TXNDC12: variants seen among roughly 807,000 people sequenced by gnomAD.
TXNDC12 encodes thioredoxin domain containing 12.
A neutral mutation model predicts 24.2 loss-of-function variants in TXNDC12; 22 were observed. The observed-to-expected ratio is 0.91, with a 90% confidence interval of 0.65 to 1.30. The LOEUF (loss-of-function observed/expected upper bound fraction) is 1.30, where lower values mean the gene tolerates loss of function less well. TXNDC12 is among the 50% of genes most tolerant of loss of function. TXNDC12 has a pLI of 0.00. For missense variants in TXNDC12, 184 were observed against 205.8 expected, an observed-to-expected ratio of 0.89 and a Z score of 0.65; for synonymous variants, 58 against 73.4, an observed-to-expected ratio of 0.79 and a Z score of 1.07.
chr1:52,037,510 C>T (rs114240646), intron 2 of TXNDC12, among the ~76,000 whole-genome samples: 1,706 of 152,198 alleles, frequency 0.011, 48 homozygotes, highest in African/African-American at 0.039. Flanking sequence ...TGGGCCCAGC[C>T]GCAAATAGAC....
chr1:52,047,446 T>TA (rs1206469030), intron 1 of TXNDC12, among the ~76,000 whole-genome samples: 1 of 151,540 alleles, frequency 6.6e-6, no homozygotes, highest in Non-Finnish European at 1.5e-5. Context: ...TCAGAGAAAA[T>TA]AAAAAGGATA....
chr1:52,045,250 GGA>G (rs1206308960), intron 1 of TXNDC12, among the ~76,000 whole-genome samples: 1 of 152,184 alleles, frequency 6.6e-6, no homozygotes, highest in Non-Finnish European at 1.5e-5. Context: ...GGATTCTGGG[GGA>G]GAGAGATGAA....
chr1:52,023,515 A>T lies in TXNDC12; in HGVS notation c.415T>A (p.Tyr139Asn). 6.2e-7 allele frequency: 1 copy of T among 1,614,054 alleles called. No homozygotes were observed. Among genetic ancestry groups the T allele is most frequent in the South Asian group, 1.1e-5 (1 of 91,076 alleles). The change falls in exon 6 of 7, where the codon TAT becomes AAT. Residue 139 changes from tyrosine to asparagine, a missense_variant. Tyr to Asn is a moderately radical substitution (Grantham distance 143). Coordinates refer to ENST00000371626, the MANE Select transcript of TXNDC12 (RefSeq NM_015913.4). ...CCTTGCTCGGCACTGACATAAAAAT[A>T]CTTGTAGCTGGGGTTTCCATTCTCA... ...INENGNPSYK[Y>N]FYVSAEQVVQ...
chr1:52,021,557 G>C (rs1269999103), intron 6 of TXNDC12, among the ~76,000 whole-genome samples: 1 of 135,620 alleles, frequency 7.4e-6, no homozygotes, highest in Non-Finnish European at 1.5e-5. Flanking sequence ...CAAGTTCTCA[G>C]GCCAAAAAAA....
chr1:52,048,971 A>G (rs1180866136), intron 1 of TXNDC12, among the ~76,000 whole-genome samples: 1 of 152,216 alleles, frequency 6.6e-6, no homozygotes, highest in Non-Finnish European at 1.5e-5. Context: ...AGAGACCTAG[A>G]ACAGCACTGT....
At chr1:52,049,762 T>G (rs1322273625) in intron 1 of TXNDC12, among the ~76,000 whole-genome samples, 1 of 151,970 alleles carries the variant, frequency 6.6e-6, no homozygotes, top group Non-Finnish European at 1.5e-5. Flanking sequence ...GGTTTTGAAC[T>G]CCTGGCCTCA....
intron 6 of TXNDC12, chr1:52,023,271 TCA>T: frequency 2.3e-6 from 1 of 426,804 alleles, no homozygotes; most frequent in Non-Finnish European, 4.2e-6. Context: ...CTTGTGTGCC[TCA>T]GTTCTTCACA....
chr1:52,036,958 C>T (rs997312582), intron 2 of TXNDC12, among the ~76,000 whole-genome samples: 3 of 152,186 alleles, frequency 2.0e-5, no homozygotes, highest in African/African-American at 7.2e-5. Flanking sequence ...CATCTGGACA[C>T]AGTTTTATCC....
intron 1 of TXNDC12, among the ~76,000 whole-genome samples, chr1:52,048,609 G>A (rs1686142039): frequency 6.6e-6 from 1 of 152,100 alleles, no homozygotes; most frequent in East Asian, 1.9e-4. Flanking sequence ...GCTCATGCCT[G>A]TAATCCCATT....
At chr1:52,033,602 G>A (rs773598417) in intron 2 of TXNDC12, 11 of 1,612,966 alleles carry the variant, frequency 6.8e-6, no homozygotes, top group Non-Finnish European at 6.8e-6. Flanking sequence ...GCCTTCTCAC[G>A]GGCAGAATCG....
chr1:52,037,125 T>G (rs1470006411), intron 2 of TXNDC12, among the ~76,000 whole-genome samples: 2 of 152,094 alleles, frequency 1.3e-5, no homozygotes, highest in East Asian at 3.8e-4. Context: ...GAGAGTACTG[T>G]GTGTAATGAA....
chr1:52,044,170 C>T (rs1393238684), intron 1 of TXNDC12: 3 of 152,174 alleles, frequency 2.0e-5, no homozygotes, highest in Non-Finnish European at 4.4e-5. Flanking sequence ...ACAATGAAAT[C>T]CTAGATAAAA....
At chr1:52,032,164 C>T (rs1204279346) in intron 2 of TXNDC12, 11 of 982,726 alleles carry the variant, frequency 1.1e-5, no homozygotes, top group Non-Finnish European at 1.3e-5. Flanking sequence ...CTTACTTCCA[C>T]AAAAACAAAG....
At chr1:52,039,000 T>C (rs1306631173) in intron 2 of TXNDC12, among the ~76,000 whole-genome samples, 4 of 140,588 alleles carry the variant, frequency 2.8e-5, no homozygotes, top group Non-Finnish European at 4.6e-5. Flanking sequence ...TTGCCCAGGC[T>C]GGTCTCAATC....
At chr1:52,033,501 G>A in intron 2 of TXNDC12, 1 of 1,613,934 alleles carries the variant, frequency 6.2e-7, no homozygotes, top group South Asian at 1.1e-5. Context: ...GCTCGTAACG[G>A]AAACCTTTGA....
intron 2 of TXNDC12, among the ~76,000 whole-genome samples, chr1:52,030,768 C>T (rs1685739625): frequency 6.6e-6 from 1 of 152,134 alleles, no homozygotes; most frequent in Non-Finnish European, 1.5e-5. Context: ...TCCAGCCCAC[C>T]GTCTGCTTCC....
At chr1:52,055,924 C>T (rs1462826922), upstream of TXNDC12, 1 of 152,184 alleles carries the variant, frequency 6.6e-6, no homozygotes, top group East Asian at 1.9e-4. Context: ...CCAATTTTTC[C>T]CCTTCGCTGT....
intron 2 of TXNDC12, among the ~76,000 whole-genome samples, chr1:52,035,241 G>T (rs1685859802): frequency 6.6e-6 from 1 of 152,180 alleles, no homozygotes; most frequent in Admixed American, 6.5e-5. Context: ...TGGGGTCTTT[G>T]TATCTCTCTT....
chr1:52,036,617 C>T (rs1685886814), intron 2 of TXNDC12, among the ~76,000 whole-genome samples: 1 of 152,304 alleles, frequency 6.6e-6, no homozygotes, highest in South Asian at 2.1e-4. Flanking sequence ...TGTTTCTATA[C>T]AATACCAATC....
Sources: gnomAD v4.1 joint callset for allele counts (sites outside exome capture counted in the v4.1 genomes callset) on GRCh38, gnomAD v4.1.1 for gene constraint, MANE v1.5 for transcripts, NCBI Gene and HGNC (gene_info 2026-07-23, HGNC 2026-07-21) for gene names.